CAMKK1: variants seen among roughly 807,000 people sequenced by gnomAD.
CAMKK1 encodes the protein calcium/calmodulin dependent protein kinase kinase 1.
CAMKK1 carries 20 observed loss-of-function variants against 63.5 expected under a neutral mutation model. The observed-to-expected ratio is 0.32, with a 90% CI of 0.22 to 0.46. The LOEUF (loss-of-function observed/expected upper bound fraction) is 0.46, where lower values mean the gene tolerates loss of function less well. Ranked by LOEUF, CAMKK1 falls within the 20% of genes least tolerant of loss-of-function variation. The pLI, the probability that CAMKK1 is intolerant of heterozygous loss-of-function variation, is 1.00. For synonymous variants in CAMKK1, 253 were observed against 269.0 expected (o/e 0.94, Z 0.58); for missense variants, 588 against 658.1 (o/e 0.89, Z 1.17).
In CAMKK1 at chr17:3,871,418, G is replaced by A. The variant is rs550699713; in HGVS notation, c.1124+1136C>T. On this transcript the variant is annotated intron_variant, in intron 12 of 15. Coordinates refer to ENST00000348335, the MANE Select transcript of CAMKK1 (RefSeq NM_032294.3). ...CGCCCAGGCTGGAGTGCAGTAGCAC[G>A]GTCTCAGCTCACTGAAACCTCTGCC... 1.1e-4 allele frequency among the ~76,000 whole-genome samples: 14 copies of A among 131,368 alleles called. No individual in the cohort carries two copies. In the South Asian group the frequency reaches 2.9e-3, roughly 27 times the overall value. 86.2% of individuals were successfully genotyped at this position (131,368 alleles called of 152,430 possible).
At chr17:3,863,455 G>A (rs969260257) in intron 15 of CAMKK1, among the ~76,000 whole-genome samples, 3 of 152,318 alleles carry the variant, frequency 2.0e-5, no homozygotes, top group South Asian at 4.1e-4. Context: ...TTGAGTTTGC[G>A]CCACTGCACT....
intron 15 of CAMKK1, among the ~76,000 whole-genome samples, chr17:3,863,593 G>T (rs1228640254): frequency 6.6e-6 from 1 of 152,158 alleles, no homozygotes; most frequent in Non-Finnish European, 1.5e-5. Flanking sequence ...AAACGTGGAG[G>T]CTGGGTGTGG....
At chr17:3,873,486 A>T in intron 10 of CAMKK1, 24 bp from the exon 11 acceptor site, 1 of 1,613,514 alleles carries the variant, frequency 6.2e-7, no homozygotes, top group East Asian at 2.2e-5. Context: ...TGCTCACATC[A>T]GTCCCCAACA....
intron 12 of CAMKK1, among the ~76,000 whole-genome samples, chr17:3,872,045 G>C (rs1297576376): frequency 2.0e-5 from 3 of 152,236 alleles, no homozygotes; most frequent in Non-Finnish European, 4.4e-5. Context: ...GCATGAGCAA[G>C]AGGCCTCCCC....
chr17:3,876,543 CTGG>C, intron 9 of CAMKK1, 121 bp from the exon 10 acceptor site: 4 of 806,786 alleles, frequency 5.0e-6, no homozygotes, highest in Non-Finnish European at 8.0e-6. Flanking sequence ...ACACTTTCGT[CTGG>C]TGACGACCTG....
rs756392972 is a variant in CAMKK1 at position 3,883,407 on chromosome 17, G to C, written c.514+22C>G. 6.2e-7 allele frequency: 1 copy of C among 1,610,512 alleles called. No individual in the cohort carries two copies. On this transcript the variant is annotated intron_variant, in intron 5 of 15. Coordinates refer to ENST00000348335, the MANE Select transcript of CAMKK1 (RefSeq NM_032294.3). The surrounding 1 kb of genome is among the most constrained non-coding windows in gnomAD (Gnocchi z 4.7). ...TGCCTCCAGGCTAGGAGCTCCCAGGGACAGGATCAGAAGATACATACGTGG... is the reference window on the plus strand; with the variant it reads ...TGCCTCCAGGCTAGGAGCTCCCAGGCACAGGATCAGAAGATACATACGTGG...
Position 3,872,567 on chromosome 17 carries a change from C to T in CAMKK1, c.1111G>A (p.Val371Met), listed in dbSNP as rs778123502. 2.5e-6 allele frequency: 4 copies of T among 1,613,952 alleles called. No individual in the cohort carries two copies. In the South Asian group the frequency reaches 3.3e-5, roughly 13 times the overall value. The change falls in exon 12 of 16, where the codon GTG (valine) becomes ATG (methionine). Residue 371 changes from valine to methionine, a missense_variant. Physicochemically the swap from Val to Met is conservative, Grantham distance 21 (BLOSUM62 1). Coordinates refer to ENST00000348335, the MANE Select transcript of CAMKK1 (RefSeq NM_032294.3). ...LHRKIKNEPV[V>M]FPEEPEISEE... Reference sequence around the variant, plus strand: ...TGGACAACTCACTCCTCAGGAAACACCACGGGCTCATTCTTGATCTTCCTG... The same window carrying T: ...TGGACAACTCACTCCTCAGGAAACATCACGGGCTCATTCTTGATCTTCCTG...
At position 3,865,896 on chromosome 17, in the gene CAMKK1, A is replaced by T; in HGVS notation, c.1445+12T>A. 6.2e-7 allele frequency: 1 copy of T among 1,613,890 alleles called. No individual in the cohort carries two copies. Among genetic ancestry groups the T allele is most frequent in the South Asian group, 1.1e-5 (1 of 91,070 alleles). On this transcript the variant is annotated intron_variant, in intron 15 of 15. Transcript: ENST00000348335. ...GGGAGTGCCCGGCAGTCCCTGGCCC[A>T]CCAGTACTTACACCAGTAGGTTTCC...
rs1463939772 is a variant in CAMKK1 at position 3,888,567 on chromosome 17, G to GC, written c.-43-2838dup. ...CGTGGTGAGATGCTGAGGAGGGAACGCCCGTAAGGCGCTCAGAACAGTGCC... is the reference window on the plus strand; with the variant it reads ...CGTGGTGAGATGCTGAGGAGGGAACGCCCCGTAAGGCGCTCAGAACAGTGCC... On this transcript the variant is annotated intron_variant, in intron 1 of 15. Coordinates refer to ENST00000348335, the MANE Select transcript of CAMKK1 (RefSeq NM_032294.3). Among the ~76,000 whole-genome samples the GC allele has an allele frequency of 2.5e-4, 38 of 152,354 alleles. 1 individual carries two copies. Among genetic ancestry groups the GC allele is most frequent in the African/African-American group, 8.9e-4 (37 of 41,590 alleles).
At position 3,871,893 on chromosome 17, in the gene CAMKK1, A is replaced by T. The variant is rs150436462; in HGVS notation, c.1124+661T>A. ...ACTCCTAACCTCAGGTGATCTGCCC[A>T]CCTCAGCCTCCCAAAGTGCTGGGAT... On this transcript the variant is annotated intron_variant, in intron 12 of 15. Coordinates refer to ENST00000348335, the MANE Select transcript of CAMKK1 (RefSeq NM_032294.3). 1.9e-4 allele frequency among the ~76,000 whole-genome samples: 28 copies of T among 144,150 alleles called. No individual in the cohort carries two copies. The Middle Eastern group carries it at 0.012, about 63-fold the overall frequency. The allele number at this position is 144,150 out of a possible 152,430, so 94.6% of individuals were successfully genotyped here.
chr17:3,888,967 G>C (rs1349613512), intron 1 of CAMKK1, among the ~76,000 whole-genome samples: 1 of 152,052 alleles, frequency 6.6e-6, no homozygotes, highest in Non-Finnish European at 1.5e-5. Flanking sequence ...GCACTGCATG[G>C]AGATGAAAAC....
chr17:3,875,433 T>C (rs1212675566), intron 10 of CAMKK1, among the ~76,000 whole-genome samples: 1 of 151,652 alleles, frequency 6.6e-6, no homozygotes. Context: ...AGGTGTGCAC[T>C]ACCACACCTG....
chr17:3,889,490 C>G lies in CAMKK1; in HGVS notation c.-44+3449G>C, dbSNP rs2055805833. On this transcript the variant is annotated intron_variant, in intron 1 of 15. Coordinates refer to ENST00000348335, the MANE Select transcript of CAMKK1 (RefSeq NM_032294.3). The surrounding 1 kb of genome is among the most constrained non-coding windows in gnomAD (Gnocchi z 5.2). ...CTGCTGCCTCGGACAAGTCATCGAG[C>G]CTCTTGGAGCCTCTGTTTCCTAACA... Among the ~76,000 whole-genome samples the G allele has an allele frequency of 1.3e-5, 2 of 152,040 alleles. No individual in the cohort carries two copies. Among genetic ancestry groups the G allele is most frequent in the South Asian group, 4.1e-4 (2 of 4,824 alleles).
At chr17:3,891,147 T>G (rs1321786258) in intron 1 of CAMKK1, among the ~76,000 whole-genome samples, 1 of 150,442 alleles carries the variant, frequency 6.6e-6, no homozygotes, top group Non-Finnish European at 1.5e-5. Context: ...GCCAGGGACA[T>G]GGACGCCTGG....
At chr17:3,878,163 G>A (rs2055250797) in intron 9 of CAMKK1, among the ~76,000 whole-genome samples, 1 of 151,994 alleles carries the variant, frequency 6.6e-6, no homozygotes, top group Non-Finnish European at 1.5e-5. Context: ...CTGCATCGTT[G>A]CACCTGCCCC....
intron 15 of CAMKK1, among the ~76,000 whole-genome samples, chr17:3,864,498 G>A (rs62070436): frequency 0.069 from 10,506 of 152,162 alleles, 380 homozygotes; most frequent in Middle Eastern, 0.082. Flanking sequence ...CACCCGCCTC[G>A]GCCTCCCAAA....
chr17:3,868,070 C>CCGTCT, intron 14 of CAMKK1, among the ~76,000 whole-genome samples: 1 of 93,416 alleles, frequency 1.1e-5, no homozygotes, highest in Non-Finnish European at 2.1e-5. Flanking sequence ...GAAGCAGGCG[C>CCGTCT]AGTCTAACTG....
intron 9 of CAMKK1, among the ~76,000 whole-genome samples, chr17:3,878,476 G>A (rs1322850813): frequency 2.6e-5 from 4 of 152,202 alleles, no homozygotes; most frequent in Non-Finnish European, 1.5e-5. Context: ...ACAGGAAGGA[G>A]GTGGAGCCAA....
intron 9 of CAMKK1, 80 bp from the exon 10 acceptor site, chr17:3,876,502 G>A (rs1350624783): frequency 7.8e-6 from 10 of 1,289,622 alleles, no homozygotes; most frequent in Non-Finnish European, 1.1e-5. Context: ...TGCACAGCCA[G>A]GGACGCCGGC....
Sources: allele counts gnomAD v4.1 joint callset (sites outside exome capture counted in the v4.1 genomes callset), GRCh38; gene constraint gnomAD v4.1.1; non-coding constraint Gnocchi (gnomAD v3.1); transcripts MANE v1.5; gene names NCBI Gene and HGNC (gene_info 2026-07-23, HGNC 2026-07-21).